Variants in MUC5B observed in about 807,000 individuals in gnomAD.
MUC5B encodes the protein mucin 5B, oligomeric mucus/gel-forming.
MUC5B carries 116 observed loss-of-function variants against 376.9 expected under a neutral mutation model. The observed-to-expected ratio is 0.31, with a 90% CI of 0.26 to 0.36. The LOEUF (loss-of-function observed/expected upper bound fraction) is 0.36. Among genes scored for constraint, MUC5B ranks in the 10% least tolerant of loss-of-function variants. The probability of loss-of-function intolerance (pLI) is 1.00; values close to 1 mark genes in which losing one functional copy is unlikely to be tolerated. For missense variants in MUC5B, 7,165 were observed against 7,769.9 expected, an observed-to-expected ratio of 0.92 and a Z score of 2.93; for synonymous variants, 3,517 against 3,390.9, an observed-to-expected ratio of 1.04 and a Z score of -1.29.
rs751623974 is a variant in MUC5B at position 1,232,039 on chromosome 11, G to A, written c.1722G>A (p.Thr574=). 2.4e-5 allele frequency: 39 copies of A among 1,612,656 alleles called. No individual in the cohort carries two copies. Among genetic ancestry groups the A allele is most frequent in the Non-Finnish European group, 3.1e-5 (36 of 1,179,806 alleles). The change falls in exon 15 of 49, where the codon ACG becomes ACA. Residue 574 remains threonine (T), a synonymous_variant. Coordinates refer to ENST00000529681, the MANE Select transcript of MUC5B (RefSeq NM_002458.3). ...NFNQNQADDF[T]ALSGVVEATG... is the part of the protein sequence containing the mutation. ...ACCAGAACCAGGCTGACGACTTCAC[G>A]GCCCTCAGCGGGGTGGTGGAGGCCA...
At chr11:1,239,302 G>A (rs1041066327) in intron 26 of MUC5B, 136 bp from the exon 27 acceptor site, 17 of 1,204,218 alleles carry the variant, frequency 1.4e-5, no homozygotes, top group South Asian at 6.2e-5. Context: ...CCACCCGGCC[G>A]AGGCCCTGCA....
chr11:1,253,988 G>T lies in MUC5B; in HGVS notation c.15218-104G>T, dbSNP rs1862767926. On this transcript the variant is annotated intron_variant, in intron 33 of 48. Coordinates refer to ENST00000529681, the MANE Select transcript of MUC5B (RefSeq NM_002458.3). The surrounding 1 kb of genome is among the most constrained non-coding windows in gnomAD (Gnocchi z 4.3). Reference sequence around the variant, plus strand: ...AGCTGAGGCCCCAGGGGCTTCAGTGGCTCCCCAAGGCGGCAGTCACAGTGG... The same window carrying T: ...AGCTGAGGCCCCAGGGGCTTCAGTGTCTCCCCAAGGCGGCAGTCACAGTGG... The T allele has an allele frequency of 6.8e-7, 1 of 1,476,290 alleles. No homozygotes were observed. Among genetic ancestry groups the T allele is most frequent in the Non-Finnish European group, 9.0e-7 (1 of 1,104,990 alleles). 91.4% of individuals were successfully genotyped at this position (1,476,290 alleles called of 1,614,324 possible).
In MUC5B at chr11:1,232,356, C is replaced by G. The variant is rs866849701; in HGVS notation, c.1844-94C>G. The G allele has an allele frequency of 3.8e-5, 54 of 1,438,056 alleles. 1 individual carries two copies. Among genetic ancestry groups the G allele is most frequent in the Middle Eastern group, 3.6e-4 (2 of 5,592 alleles). 89.1% of individuals were successfully genotyped at this position (1,438,056 alleles called of 1,614,324 possible). ...AGCAGGTGAGCCGCAAATTCCAACT[C>G]ACTGTTCCCCGGGCTGAGGGGGTCG... On this transcript the variant is annotated intron_variant, in intron 15 of 48. Coordinates refer to ENST00000529681, the MANE Select transcript of MUC5B (RefSeq NM_002458.3).
rs775574831 is a variant in MUC5B at position 1,252,369 on chromosome 11, C to G, written c.14890C>G (p.Arg4964Gly). 2 of 1,579,738 alleles carry G rather than the reference C, an allele frequency of 1.3e-6. No homozygotes were observed. The highest frequency in any genetic ancestry group is 1.2e-5 in the South Asian group (1 of 86,122). Residue 4964 changes from arginine to glycine, a missense_variant, in exon 32 of 49, where the codon CGA becomes GGA. By Grantham distance (125) the Arg-to-Gly change is moderately radical. Coordinates refer to ENST00000529681, the MANE Select transcript of MUC5B (RefSeq NM_002458.3). ...GGAAGTCATCTACAATAAGACCGAC[C>G]GAGCCGGCTGCCATTTCTACGCAGT... ...PGEVIYNKTDRAGCHFYAVCN... is the reference protein window; with the variant it reads ...PGEVIYNKTDGAGCHFYAVCN...
chr11:1,258,361 C>T lies in MUC5B; in HGVS notation c.16587C>T (p.Phe5529=). The T allele has an allele frequency of 6.2e-7, 1 of 1,612,134 alleles. No homozygotes were observed. Among genetic ancestry groups the T allele is most frequent in the Non-Finnish European group, 8.5e-7 (1 of 1,179,562 alleles). The stretch of plus-strand genomic sequence containing the variant: ...AGCTGTGTTCGTACAATGGCACCTT[C>T]TACGGGGTAAGGGCACAGCAGTGGG... ...RPQLCSYNGT[F]YGVGATFPGA... The change falls in exon 43 of 49, where the codon TTC becomes TTT. Residue 5529 remains phenylalanine, a synonymous_variant. Transcript: ENST00000529681. The surrounding 1 kb of genome is among the most constrained non-coding windows in gnomAD (Gnocchi z 5.5).
rs1354248255 is a variant in MUC5B, at chr11:1,244,699, A to G, written c.7819A>G (p.Lys2607Glu). Residue 2607 changes from lysine (K) to glutamate (E), a missense_variant, in exon 31 of 49, where the codon AAA (lysine) becomes GAA (glutamate). This residue lies in a region of MUC5B where 141 missense variants were observed against 111.2 expected (regional missense o/e 1.27). Coordinates refer to ENST00000529681, the MANE Select transcript of MUC5B (RefSeq NM_002458.3). ...SSTPGTAHTT[K>E]VLTTTTTGFT... ...CACCCCAGGAACAGCTCACACTACC[A>G]AAGTGCTGACTACCACAACCACGGG... 3 of 1,611,538 alleles carry G rather than the reference A, an allele frequency of 1.9e-6. No homozygotes were observed. Among genetic ancestry groups the G allele is most frequent in the Non-Finnish European group, 2.5e-6 (3 of 1,178,914 alleles).
At chr11:1,259,562 A>C (rs1307922258) in intron 44 of MUC5B, 194 bp from the exon 45 acceptor site, 2 of 610,740 alleles carry the variant, frequency 3.3e-6, no homozygotes, top group Non-Finnish European at 5.8e-6. Flanking sequence ...AGGGGTAGGC[A>C]GAGAGAAGGT....
At chr11:1,260,111 C>G (rs1273137801) in intron 46 of MUC5B, 26 bp downstream of exon 46, 1 of 1,609,460 alleles carries the variant, frequency 6.2e-7, no homozygotes, top group South Asian at 1.1e-5. Context: ...CCTGCCCCTG[C>G]CTGGGAGTCC....
At position 1,242,181 on chromosome 11, in the gene MUC5B, G is replaced by A. The variant is rs55834603; in HGVS notation, c.5301G>A (p.Thr1767=). 5,385 of 1,613,536 alleles carry A rather than the reference G, an allele frequency of 3.3e-3. 184 individuals are homozygous for A. The African/African-American group carries it at 0.064, about 19-fold the overall frequency. Reference sequence around the variant, plus strand: ...AGACCAGCACGCCCAGGACAGAGACGACAATGAGCCCCTTGACTAACACCA... The same window carrying A: ...AGACCAGCACGCCCAGGACAGAGACAACAATGAGCCCCTTGACTAACACCA... ...QAETSTPRTE[T]TMSPLTNTTT... Residue 1767 remains threonine (T), a synonymous_variant, in exon 31 of 49, where the codon ACG becomes ACA. Transcript: ENST00000529681.
chr11:1,234,721 GGGGGCGGGGAGGGCA>G lies in MUC5B; in HGVS notation c.2630+43_2630+57del. 2 of 1,130,898 alleles carry G rather than the reference GGGGGCGGGGAGGGCA, an allele frequency of 1.8e-6. No individual in the cohort carries two copies. The highest frequency in any genetic ancestry group is 2.4e-6 in the Non-Finnish European group (2 of 821,564). 70.1% of individuals were successfully genotyped at this position (1,130,898 alleles called of 1,614,324 possible). A position where few individuals can be genotyped will look rare whatever the true frequency, so the allele number is the denominator to read the frequency against. ...CTCGGAGGCAGCAGGTGGGGAGGGC[GGGGGCGGGGAGGGCA>G]GCGGGTGGGGAGGCAGCGGGCAGGG... On this transcript the variant is annotated intron_variant, in intron 21 of 48. Coordinates refer to ENST00000529681, the MANE Select transcript of MUC5B (RefSeq NM_002458.3). The surrounding 1 kb of genome is among the most constrained non-coding windows in gnomAD (Gnocchi z 6.3).
chr11:1,239,558 G>A lies in MUC5B; in HGVS notation c.3575G>A (p.Gly1192Asp). 2 of 1,573,554 alleles carry A rather than the reference G, an allele frequency of 1.3e-6. No individual in the cohort carries two copies. The highest frequency in any genetic ancestry group is 1.7e-6 in the Non-Finnish European group (2 of 1,155,680). ...PSGHCLVDLPGLEGCYPKCPP... is the reference protein window; with the variant it reads ...PSGHCLVDLPDLEGCYPKCPP... ...GGGCACTGCCTGGTGGACCTGCCTG[G>A]CCTGGAAGGTGAGGGGCAGCCTTTC... The change falls in exon 27 of 49, where the codon GGC becomes GAC. Residue 1192 changes from glycine (G) to aspartate (D), a missense_variant. Gly to Asp is a moderately conservative substitution (Grantham distance 94, BLOSUM62 -1). Transcript: ENST00000529681.
chr11:1,257,221 C>T lies in MUC5B; in HGVS notation c.16238-19C>T. 1.3e-6 allele frequency: 1 copy of T among 779,710 alleles called. No individual in the cohort carries two copies. Among genetic ancestry groups the T allele is most frequent in the Non-Finnish European group, 2.4e-6 (1 of 417,990 alleles). 48.3% of individuals were successfully genotyped at this position (779,710 alleles called of 1,614,324 possible). A position where few individuals can be genotyped will look rare whatever the true frequency, so the allele number is the denominator to read the frequency against. On this transcript the variant is annotated intron_variant, in intron 39 of 48. Transcript: ENST00000529681. The surrounding 1 kb of genome is among the most constrained non-coding windows in gnomAD (Gnocchi z 8.9). ...GCAAACTCAGCACCCTCCGTGATGCCATGCTGTTTTCTTTCCAGCCTGCGT... is the reference window on the plus strand; with the variant it reads ...GCAAACTCAGCACCCTCCGTGATGCTATGCTGTTTTCTTTCCAGCCTGCGT...
Position 1,240,163 on chromosome 11 carries a change from C to T in MUC5B, c.3773-15C>T, listed in dbSNP as rs777694439. 10 of 1,585,020 alleles carry T rather than the reference C, an allele frequency of 6.3e-6. No homozygotes were observed. Among genetic ancestry groups the T allele is most frequent in the East Asian group, 2.3e-5 (1 of 44,346 alleles). On this transcript the variant is annotated splice_polypyrimidine_tract_variant and intron_variant, in intron 29 of 48. Transcript: ENST00000529681. ...GCTCGGAGGCCCTGGGTGACTCTGC[C>T]GGCTCCATCCCCAGCCTGCACCTGC...
rs201706003 is a variant in MUC5B at position 1,245,145 on chromosome 11, C to T, written c.8265C>T (p.His2755=). ...TGCCGAACACCACGGCCACCACACA[C>T]GGGCGATCCCTGTCCCCCAGCAGTC... is the stretch of plus-strand genomic sequence containing the variant. The part of the protein sequence containing the change: ...PPVPNTTATT[H]GRSLSPSSPH... Residue 2755 remains histidine (H), a synonymous_variant, in exon 31 of 49, where the codon CAC becomes CAT. Transcript: ENST00000529681. The T allele has an allele frequency of 2.3e-3, 3,595 of 1,553,098 alleles. 55 individuals carry two copies. In the African/African-American group the frequency reaches 0.042, roughly 18 times the overall value.
rs1862749232 is a variant in MUC5B at position 1,253,102 on chromosome 11, ATGG to A, written c.15217+126_15217+128del. On this transcript the variant is annotated intron_variant, in intron 33 of 48. Coordinates refer to ENST00000529681, the MANE Select transcript of MUC5B (RefSeq NM_002458.3). This position sits in a 1 kb window ranked among gnomAD's most constrained non-coding sequence, Gnocchi z 4.3. ...GGGGTGCAGTGGGGAATGGTGGGGC[ATGG>A]TGGGGCATGGTGGGGTGCAGTGGGG... 1 of 380,056 alleles carries A rather than the reference ATGG, an allele frequency of 2.6e-6. No homozygotes were observed. The highest frequency in any genetic ancestry group is 4.9e-6 in the Non-Finnish European group (1 of 205,330). The allele number at this position is 380,056 out of a possible 1,614,324, so 23.5% of individuals were successfully genotyped here.
Position 1,246,345 on chromosome 11 carries a change from C to T in MUC5B, c.9465C>T (p.Ser3155=), listed in dbSNP as rs1375750887. Residue 3155 remains serine (S), a synonymous_variant, in exon 31 of 49, where the codon TCC becomes TCT. Transcript: ENST00000529681. ...TAATGPTATP[S]STPGTTWILT... ...CCACTGGCCCCACGGCCACCCCGTCCTCCACCCCAGGGACCACCTGGATCC... is the reference window on the plus strand; with the variant it reads ...CCACTGGCCCCACGGCCACCCCGTCTTCCACCCCAGGGACCACCTGGATCC... The T allele has an allele frequency of 7.5e-6, 12 of 1,603,750 alleles. No homozygotes were observed. The highest frequency in any genetic ancestry group is 8.5e-6 in the Non-Finnish European group (10 of 1,173,340).
chr11:1,251,445 C>G lies in MUC5B; in HGVS notation c.14565C>G (p.Ala4855=), dbSNP rs377533930. ...TCCTCACAGAGCCGAGCACTATAGC[C>G]ACCGTGATGGTGCCCACCGGTTCCA... is the stretch of plus-strand genomic sequence containing the variant. The part of the protein sequence containing the change: ...TWILTEPSTI[A]TVMVPTGSTA... The change falls in exon 31 of 49, where the codon GCC becomes GCG. Residue 4855 remains alanine (A), a synonymous_variant. Coordinates refer to ENST00000529681, the MANE Select transcript of MUC5B (RefSeq NM_002458.3). The G allele has an allele frequency of 1.8e-4, 297 of 1,612,140 alleles. No homozygotes were observed. Among genetic ancestry groups the G allele is most frequent in the Non-Finnish European group, 2.3e-4 (272 of 1,179,006 alleles).
intron 13 of MUC5B, 123 bp from the exon 14 acceptor site, chr11:1,231,300 C>A: frequency 8.1e-7 from 1 of 1,229,084 alleles, no homozygotes; most frequent in South Asian, 1.6e-5. Flanking sequence ...GGCTCCTGGC[C>A]ACTCCTGGGT....
chr11:1,241,600 C>T lies in MUC5B; in HGVS notation c.4720C>T (p.Leu1574=). ...GGTGCACTGTGACGTCCACTTCGGCCTGGTGTGCAGGAACTGGGAGCAGGA... is the reference window on the plus strand; with the variant it reads ...GGTGCACTGTGACGTCCACTTCGGCTTGGTGTGCAGGAACTGGGAGCAGGA... ...QKVHCDVHFG[L]VCRNWEQEGV... Residue 1574 remains leucine, a synonymous_variant, in exon 31 of 49, where the codon CTG becomes TTG. Transcript: ENST00000529681. The T allele has an allele frequency of 6.2e-7, 1 of 1,612,388 alleles. No homozygotes were observed. The highest frequency in any genetic ancestry group is 8.5e-7 in the Non-Finnish European group (1 of 1,179,406).
Sources: allele counts gnomAD v4.1 joint callset, GRCh38; gene constraint gnomAD v4.1.1; regional missense constraint gnomAD v4.1.1; non-coding constraint Gnocchi (gnomAD v3.1); transcripts MANE v1.5; gene names NCBI Gene and HGNC (gene_info 2026-07-23, HGNC 2026-07-21).